TAS2R1: variants seen among roughly 807,000 people sequenced by gnomAD.
The protein encoded by TAS2R1 is taste 2 receptor member 1, also known as taste receptor type 2 member 1.
For synonymous variants in TAS2R1, 141 were observed against 134.2 expected, an observed-to-expected ratio of 1.05 and a Z score of -0.35; for missense variants, 370 against 353.4, an observed-to-expected ratio of 1.05 and a Z score of -0.38.
chr5:9,895,098 C>T, the TAS2R1 span, among the ~76,000 whole-genome samples: 1 of 152,174 alleles, frequency 6.6e-6, no homozygotes, highest in Non-Finnish European at 1.5e-5. Context: ...TCACTCTCTA[C>T]CTTATACCAA....
chr5:9,874,589 T>C, the TAS2R1 span, among the ~76,000 whole-genome samples: 2 of 152,194 alleles, frequency 1.3e-5, no homozygotes, highest in Non-Finnish European at 2.9e-5. Context: ...TGGCAAGACA[T>C]TGCTGCCACA....
intron 2 of TAS2R1, among the ~76,000 whole-genome samples, chr5:9,651,270 T>C (rs888010720): frequency 6.6e-6 from 1 of 152,194 alleles, no homozygotes; most frequent in Non-Finnish European, 1.5e-5. Context: ...CTCATTGTGG[T>C]ATTAAATCTA....
the TAS2R1 span, among the ~76,000 whole-genome samples, chr5:9,875,884 G>T: frequency 6.6e-6 from 1 of 152,188 alleles, no homozygotes; most frequent in Non-Finnish European, 1.5e-5. Context: ...TTTGGAAAGG[G>T]TTTAATCTCT....
chr5:9,729,898 T>A, the TAS2R1 span, among the ~76,000 whole-genome samples: 2 of 152,124 alleles, frequency 1.3e-5, no homozygotes, highest in Non-Finnish European at 2.9e-5. Flanking sequence ...CTTTTCAGAG[T>A]GATATCCACA....
At chr5:9,864,141 A>C in the TAS2R1 span, among the ~76,000 whole-genome samples, 1 of 152,124 alleles carries the variant, frequency 6.6e-6, no homozygotes, top group African/African-American at 2.4e-5. Context: ...TGCTTTCCTC[A>C]ATGGAGCAGA....
At chr5:9,744,481 C>T in the TAS2R1 span, among the ~76,000 whole-genome samples, 2 of 152,134 alleles carry the variant, frequency 1.3e-5, no homozygotes, top group Non-Finnish European at 2.9e-5. Flanking sequence ...CATACAGCAA[C>T]AAGTGGTCCG....
the TAS2R1 span, among the ~76,000 whole-genome samples, chr5:9,740,862 C>T: frequency 6.6e-6 from 1 of 152,188 alleles, no homozygotes. Flanking sequence ...TTATTGTTTT[C>T]ACTCAAAAGC....
chr5:9,845,933 G>A, the TAS2R1 span, among the ~76,000 whole-genome samples: 10 of 152,056 alleles, frequency 6.6e-5, no homozygotes, highest in Non-Finnish European at 1.3e-4. Context: ...AAATAAGAGA[G>A]GCAATGTCAA....
At chr5:9,746,408 A>G in the TAS2R1 span, among the ~76,000 whole-genome samples, 7 of 152,234 alleles carry the variant, frequency 4.6e-5, no homozygotes, top group Admixed American at 3.9e-4. Context: ...CAGCAATCCC[A>G]TTACTGGATA....
chr5:9,774,115 CTTTCT>C, the TAS2R1 span, among the ~76,000 whole-genome samples: 1 of 152,158 alleles, frequency 6.6e-6, no homozygotes, highest in African/African-American at 2.4e-5. Flanking sequence ...TCTTACTCTG[CTTTCT>C]TTTGTCTTCT....
intron 2 of TAS2R1, among the ~76,000 whole-genome samples, chr5:9,645,054 T>C (rs1740160266): frequency 6.6e-6 from 1 of 152,204 alleles, no homozygotes; most frequent in Admixed American, 6.5e-5. Flanking sequence ...CTTATTTCTA[T>C]GCACCAGAAC....
At chr5:9,632,463 A>G (rs148943015), upstream of TAS2R1, among the ~76,000 whole-genome samples, 2,567 of 152,208 alleles carry the variant, frequency 0.017, 35 homozygotes, top group Middle Eastern at 0.048. Context: ...GCATTGATGA[A>G]CTCTTCCTTT....
At chr5:9,833,746 G>A in the TAS2R1 span, among the ~76,000 whole-genome samples, 1 of 152,180 alleles carries the variant, frequency 6.6e-6, no homozygotes, top group East Asian at 1.9e-4. Flanking sequence ...AAATACAGTT[G>A]TATCACATGA....
chr5:9,803,691 C>G, the TAS2R1 span, among the ~76,000 whole-genome samples: 2 of 152,146 alleles, frequency 1.3e-5, no homozygotes, highest in Non-Finnish European at 2.9e-5. Context: ...CAAACAAATG[C>G]TGAGAAAATT....
At position 9,629,840 on chromosome 5, in the gene TAS2R1, C is replaced by T. The variant is rs1448779211; in HGVS notation, c.193G>A (p.Val65Ile). ...ATGAAGAAGATAACAATCACATTAA[C>T]GTAGAAGATGAACAACTGCAGAAAA... is the stretch of plus-strand genomic sequence containing the variant. ...RIFLQLFIFY[V>I]NVIVIFFIEF... The change falls in exon 1 of 1, where the codon GTT (valine) becomes ATT (isoleucine). Residue 65 changes from valine to isoleucine, a missense_variant. Coordinates refer to ENST00000382492, the MANE Select transcript of TAS2R1 (RefSeq NM_019599.3). 7 of 1,613,566 alleles carry T rather than the reference C, an allele frequency of 4.3e-6. No homozygotes were observed. In the African/African-American group the frequency reaches 5.3e-5, roughly 12 times the overall value.
the TAS2R1 span, among the ~76,000 whole-genome samples, chr5:9,789,157 C>T: frequency 8.5e-5 from 13 of 152,106 alleles, no homozygotes; most frequent in African/African-American, 2.4e-4. Flanking sequence ...AGGAGGAAAA[C>T]GGGCATCAAC....
At chr5:9,870,717 G>T in the TAS2R1 span, among the ~76,000 whole-genome samples, 1 of 152,186 alleles carries the variant, frequency 6.6e-6, no homozygotes, top group Non-Finnish European at 1.5e-5. Context: ...CCCCAAAAGG[G>T]TAAGTAGTCC....
chr5:9,896,654 A>G, the TAS2R1 span, among the ~76,000 whole-genome samples: 1 of 152,222 alleles, frequency 6.6e-6, no homozygotes, highest in African/African-American at 2.4e-5. Context: ...CCCAAAAACA[A>G]GGGCTAAAGA....
chr5:9,667,514 T>C (rs1168946337), intron 1 of TAS2R1, among the ~76,000 whole-genome samples: 4 of 152,224 alleles, frequency 2.6e-5, no homozygotes, highest in African/African-American at 9.6e-5. Flanking sequence ...CATAACCGTA[T>C]GTTCCCCTTA....
Sources: gnomAD v4.1 joint callset for allele counts (sites outside exome capture counted in the v4.1 genomes callset) on GRCh38, gnomAD v4.1.1 for gene constraint, MANE v1.5 for transcripts, NCBI Gene and HGNC (gene_info 2026-07-23, HGNC 2026-07-21) for gene names.